REC114: variants seen among roughly 807,000 people sequenced by gnomAD.
The protein encoded by REC114 is meiotic recombination protein REC114.
Under a neutral mutation model 31.3 loss-of-function variants are expected in REC114, and 27 were observed. The ratio of observed to expected loss-of-function variants is 0.86; its 90% confidence interval spans 0.64 to 1.19. The LOEUF is 1.19. Ranked by LOEUF, REC114 falls within the 50% of genes most tolerant of loss-of-function variation. The probability of loss-of-function intolerance (pLI) is 0.00; values close to 1 mark genes in which losing one functional copy is unlikely to be tolerated. For synonymous variants in REC114, 134 were observed against 127.7 expected (o/e 1.05, Z -0.33); for missense variants, 344 against 326.9 (o/e 1.05, Z -0.40).
intron 2 of REC114, among the ~76,000 whole-genome samples, chr15:73,523,992 T>C (rs1489145786): frequency 2.0e-5 from 3 of 152,222 alleles, no homozygotes; most frequent in Admixed American, 2.0e-4. Context: ...TTGAAATCAA[T>C]TGACCTTGTA....
At chr15:73,516,719 C>T (rs530836711) in intron 2 of REC114, among the ~76,000 whole-genome samples, 1 of 152,304 alleles carries the variant, frequency 6.6e-6, no homozygotes, top group African/African-American at 2.4e-5. Context: ...CCTCTGCCTC[C>T]TGGGTTCAAG....
At chr15:73,522,548 T>C (rs185628111) in intron 2 of REC114, among the ~76,000 whole-genome samples, 1 of 152,282 alleles carries the variant, frequency 6.6e-6, no homozygotes, top group East Asian at 1.9e-4. Context: ...TATTAACTCT[T>C]TTGTGTCTGG....
At chr15:73,542,709 G>A (rs1018796082) in intron 3 of REC114, among the ~76,000 whole-genome samples, 2 of 152,120 alleles carry the variant, frequency 1.3e-5, no homozygotes, top group South Asian at 4.1e-4. Flanking sequence ...CCACCATATA[G>A]ATAATTTATA....
At chr15:73,515,940 C>A (rs374986347) in intron 2 of REC114, among the ~76,000 whole-genome samples, 25 of 151,828 alleles carry the variant, frequency 1.6e-4, no homozygotes, top group Non-Finnish European at 2.8e-4. Context: ...TGCGCATAAT[C>A]CATTTTACTA....
chr15:73,505,265 T>C (rs1334805832), intron 2 of REC114, among the ~76,000 whole-genome samples: 1 of 152,248 alleles, frequency 6.6e-6, no homozygotes. Context: ...TAATTTAGTT[T>C]GACATTTGGT....
intron 1 of REC114, among the ~76,000 whole-genome samples, chr15:73,452,349 CAGAG>C (rs1454719192): frequency 3.3e-5 from 5 of 152,146 alleles, no homozygotes; most frequent in African/African-American, 9.7e-5. Flanking sequence ...AACAGACAAA[CAGAG>C]AGCCAAATCA....
At chr15:73,535,357 A>G (rs1183751936) in intron 2 of REC114, among the ~76,000 whole-genome samples, 1 of 152,204 alleles carries the variant, frequency 6.6e-6, no homozygotes, top group African/African-American at 2.4e-5. Context: ...TCAGTGTGCA[A>G]AAATCACATG....
At chr15:73,454,854 C>G (rs1456733525) in intron 1 of REC114, among the ~76,000 whole-genome samples, 1 of 152,136 alleles carries the variant, frequency 6.6e-6, no homozygotes, top group Non-Finnish European at 1.5e-5. Context: ...TCCTGCAACC[C>G]AGAGGCCAGG....
At chr15:73,548,440 G>A (rs1031296219) in intron 3 of REC114, among the ~76,000 whole-genome samples, 1 of 152,152 alleles carries the variant, frequency 6.6e-6, no homozygotes, top group South Asian at 2.1e-4. Flanking sequence ...AGACATACAT[G>A]CAGCCAACAA....
chr15:73,495,468 A>T (rs926765535), intron 2 of REC114, among the ~76,000 whole-genome samples: 1 of 151,972 alleles, frequency 6.6e-6, no homozygotes, highest in Non-Finnish European at 1.5e-5. Context: ...AAAACAAAAC[A>T]TAAATACCAC....
At position 73,443,227 on chromosome 15, in the gene REC114, C is replaced by G. The variant is rs540205218; in HGVS notation, c.42C>G (p.Thr14=). 5 of 1,575,824 alleles carry G rather than the reference C, an allele frequency of 3.2e-6. No homozygotes were observed. The East Asian group carries it at 7.0e-5, about 22-fold the overall frequency. The change falls in exon 1 of 6, where the codon ACC becomes ACG. Residue 14 remains threonine, a synonymous_variant. Coordinates refer to ENST00000331090, the MANE Select transcript of REC114 (RefSeq NM_001042367.2). ...AGKVPLSLGL[T]GGEAAEWPLQ... is the part of the protein sequence containing the mutation. Reference sequence around the variant, plus strand: ...AAGTGCCCTTGAGCCTCGGGCTTACCGGAGGAGAAGCGGCAGAGTGGCCTC... The same window carrying G: ...AAGTGCCCTTGAGCCTCGGGCTTACGGGAGGAGAAGCGGCAGAGTGGCCTC...
At chr15:73,480,082 A>G (rs556215299) in intron 2 of REC114, among the ~76,000 whole-genome samples, 1 of 152,232 alleles carries the variant, frequency 6.6e-6, no homozygotes, top group South Asian at 2.1e-4. Flanking sequence ...TTTTCTCCAT[A>G]TTCTCACCAA....
At position 73,479,196 on chromosome 15, in the gene REC114, T is replaced by G. The variant is rs1369006229; in HGVS notation, c.249+5275T>G. ...TTAAATATAATGTTAGCTGTAGGTTTTTTTTTTTGTAGATCCAATTCATAA... is the reference window on the plus strand; with the variant it reads ...TTAAATATAATGTTAGCTGTAGGTTGTTTTTTTTGTAGATCCAATTCATAA... On this transcript the variant is annotated intron_variant, in intron 2 of 5. Transcript: ENST00000331090. Among the ~76,000 whole-genome samples, 7 of 151,360 alleles carry G rather than the reference T, an allele frequency of 4.6e-5. 1 individual carries two copies. The East Asian group carries it at 1.2e-3, about 25-fold the overall frequency.
intron 2 of REC114, among the ~76,000 whole-genome samples, chr15:73,508,166 A>G (rs1020430156): frequency 6.6e-6 from 1 of 152,182 alleles, no homozygotes; most frequent in Non-Finnish European, 1.5e-5. Context: ...CAAGTCTGCC[A>G]TCACATCTGG....
rs1358227586 is a variant in REC114, at chr15:73,494,654, G to A, written c.249+20733G>A. ...AGCTTTCTGTGACGTTTGGTTGTTCGTGGTATCTCAGATGATGTTACATTT... is the reference window on the plus strand; with the variant it reads ...AGCTTTCTGTGACGTTTGGTTGTTCATGGTATCTCAGATGATGTTACATTT... On this transcript the variant is annotated intron_variant, in intron 2 of 5. Transcript: ENST00000331090. 3.3e-5 allele frequency among the ~76,000 whole-genome samples: 5 copies of A among 152,178 alleles called. No homozygotes were observed. In the East Asian group the frequency reaches 5.8e-4, roughly 18 times the overall value.
chr15:73,475,066 C>G (rs565645767), intron 2 of REC114, among the ~76,000 whole-genome samples: 1 of 152,226 alleles, frequency 6.6e-6, no homozygotes, highest in African/African-American at 2.4e-5. Flanking sequence ...TGAAGAATAC[C>G]TAGTGCACAG....
chr15:73,519,922 G>A (rs538276466), intron 2 of REC114, among the ~76,000 whole-genome samples: 6 of 152,244 alleles, frequency 3.9e-5, no homozygotes, highest in South Asian at 2.1e-4. Flanking sequence ...CTAAAGTAGC[G>A]AAACTCATAG....
intron 2 of REC114, among the ~76,000 whole-genome samples, chr15:73,510,663 A>G (rs1465289145): frequency 6.8e-6 from 1 of 147,536 alleles, no homozygotes; most frequent in Non-Finnish European, 1.5e-5. Context: ...GGGTTGGTGA[A>G]TTTTGTCAAA....
intron 1 of REC114, among the ~76,000 whole-genome samples, chr15:73,454,987 C>T (rs1316213459): frequency 6.6e-6 from 1 of 152,144 alleles, no homozygotes; most frequent in African/African-American, 2.4e-5. Context: ...GGCATAAAGC[C>T]ACAGCTACAG....
Sources: allele counts gnomAD v4.1 joint callset (sites outside exome capture counted in the v4.1 genomes callset), GRCh38; gene constraint gnomAD v4.1.1; transcripts MANE v1.5; gene names NCBI Gene and HGNC (gene_info 2026-07-23, HGNC 2026-07-21).